Variants in XIRP2 observed in about 807,000 individuals in gnomAD.
The protein encoded by XIRP2 is xin actin binding repeat containing 2.
In XIRP2, 236 loss-of-function variants were observed where a neutral mutation model predicts 277.0. The ratio of observed to expected loss-of-function variants is 0.85; its 90% CI spans 0.77 to 0.95. The LOEUF (loss-of-function observed/expected upper bound fraction) is 0.95, where lower values mean the gene tolerates loss of function less well. XIRP2 is among the 40% of genes least tolerant of loss of function. XIRP2 has a pLI of 0.00. For synonymous variants in XIRP2, 1,490 were observed against 1,416.5 expected (o/e 1.05, Z -1.17); for missense variants, 4,640 against 4,157.5 (o/e 1.12, Z -3.19).
intron 3 of XIRP2, among the ~76,000 whole-genome samples, chr2:167,167,744 C>T (rs576551639): frequency 6.6e-6 from 1 of 151,946 alleles, no homozygotes; most frequent in South Asian, 2.1e-4. Flanking sequence ...TACATTATTG[C>T]TATTATTATT....
At chr2:167,155,819 A>C (rs939347888) in intron 3 of XIRP2, among the ~76,000 whole-genome samples, 1 of 151,884 alleles carries the variant, frequency 6.6e-6, no homozygotes, top group African/African-American at 2.4e-5. Flanking sequence ...CCCTGTTTGC[A>C]GATGACATGA....
At chr2:167,198,523 A>G (rs1300312094) in intron 3 of XIRP2, among the ~76,000 whole-genome samples, 1 of 152,236 alleles carries the variant, frequency 6.6e-6, no homozygotes, top group Non-Finnish European at 1.5e-5. Context: ...TTAGAAAAAC[A>G]TAAAGCTTTG....
At chr2:167,068,271 A>G (rs1052586659) in intron 2 of XIRP2, among the ~76,000 whole-genome samples, 16 of 152,180 alleles carry the variant, frequency 1.1e-4, no homozygotes, top group Admixed American at 7.9e-4. Context: ...ACAAACACAC[A>G]CAACTCTATT....
At chr2:166,983,105 G>T (rs1686916444) in intron 2 of XIRP2, among the ~76,000 whole-genome samples, 1 of 152,106 alleles carries the variant, frequency 6.6e-6, no homozygotes. Flanking sequence ...TTATCTGGGG[G>T]AAGTTTGATT....
chr2:167,189,779 C>A (rs898280470), intron 3 of XIRP2, among the ~76,000 whole-genome samples: 1 of 152,154 alleles, frequency 6.6e-6, no homozygotes, highest in Non-Finnish European at 1.5e-5. Flanking sequence ...CTCTCTGACA[C>A]CAACTGGCTG....
intron 2 of XIRP2, among the ~76,000 whole-genome samples, chr2:167,033,150 T>G (rs945105422): frequency 1.3e-5 from 2 of 152,138 alleles, no homozygotes; most frequent in African/African-American, 4.8e-5. Flanking sequence ...GGGACATGGA[T>G]GAAGCTGGAA....
intron 2 of XIRP2, among the ~76,000 whole-genome samples, chr2:167,099,661 T>A (rs1215541108): frequency 6.6e-6 from 1 of 152,080 alleles, no homozygotes; most frequent in Non-Finnish European, 1.5e-5. Context: ...AATCTCCTGG[T>A]CTGTGGGTTG....
At chr2:167,119,063 C>G (rs565026614) in intron 2 of XIRP2, among the ~76,000 whole-genome samples, 2 of 151,954 alleles carry the variant, frequency 1.3e-5, no homozygotes, top group South Asian at 4.2e-4. Flanking sequence ...TGAGATTGTC[C>G]CCGTGGCAAG....
chr2:167,244,765 A>C lies in XIRP2; in HGVS notation c.3373A>C (p.Lys1125Gln), dbSNP rs1695192951. ...TGAAGAAATTCATAAGGGAGATGTCAAAACTTGTACTTGGCTCTTTGAAAC... is the reference window on the plus strand; with the variant it reads ...TGAAGAAATTCATAAGGGAGATGTCCAAACTTGTACTTGGCTCTTTGAAAC... ...SSEEIHKGDV[K>Q]TCTWLFETQP... Residue 1125 changes from lysine to glutamine, a missense_variant, in exon 9 of 11, where the codon AAA becomes CAA. Physicochemically the swap from Lys to Gln is moderately conservative, Grantham distance 53. Coordinates refer to ENST00000409195, the MANE Select transcript of XIRP2 (RefSeq NM_152381.6). The C allele has an allele frequency of 6.2e-7, 1 of 1,613,482 alleles. No homozygotes were observed. Among genetic ancestry groups the C allele is most frequent in the Non-Finnish European group, 8.5e-7 (1 of 1,179,728 alleles).
intron 3 of XIRP2, among the ~76,000 whole-genome samples, chr2:167,145,039 C>A (rs552047561): frequency 2.6e-5 from 4 of 152,182 alleles, no homozygotes; most frequent in African/African-American, 9.6e-5. Flanking sequence ...CAAAAGATAA[C>A]CTTGTCTTTG....
intron 2 of XIRP2, among the ~76,000 whole-genome samples, chr2:166,972,824 G>A (rs1051040740): frequency 2.0e-5 from 3 of 152,100 alleles, no homozygotes; most frequent in Non-Finnish European, 1.5e-5. Context: ...CAGATTCCAG[G>A]TATAGCTAGT....
At chr2:166,936,714 G>C (rs1685527759) in intron 2 of XIRP2, among the ~76,000 whole-genome samples, 1 of 152,182 alleles carries the variant, frequency 6.6e-6, no homozygotes, top group Non-Finnish European at 1.5e-5. Flanking sequence ...TCAAAGATCA[G>C]ATGGTTGTAG....
chr2:167,140,329 C>T (rs1454010902), intron 3 of XIRP2, among the ~76,000 whole-genome samples: 5 of 152,112 alleles, frequency 3.3e-5, no homozygotes, highest in Non-Finnish European at 7.4e-5. Context: ...CAGAAGCAAA[C>T]CTTTGTCTAA....
At chr2:167,070,593 C>A (rs937975290) in intron 2 of XIRP2, among the ~76,000 whole-genome samples, 1 of 151,996 alleles carries the variant, frequency 6.6e-6, no homozygotes, top group Non-Finnish European at 1.5e-5. Context: ...TTAAAATGGC[C>A]ATAGTAGCTC....
chr2:166,968,620 CAT>C (rs1686489986), intron 2 of XIRP2, among the ~76,000 whole-genome samples: 1 of 151,958 alleles, frequency 6.6e-6, no homozygotes, highest in Non-Finnish European at 1.5e-5. Flanking sequence ...AGTCTTTTTA[CAT>C]ATGAGGAAAT....
chr2:167,226,048 T>C (rs1395904247), intron 5 of XIRP2, among the ~76,000 whole-genome samples: 2 of 152,188 alleles, frequency 1.3e-5, no homozygotes. Flanking sequence ...ACTGAAATTA[T>C]CTATTAATGG....
chr2:166,934,194 G>GC (rs1491503012), intron 2 of XIRP2, among the ~76,000 whole-genome samples: 1 of 62,696 alleles, frequency 1.6e-5, no homozygotes, highest in African/African-American at 9.7e-5. Flanking sequence ...AAAATCAACA[G>GC]CAAAAAAAAA....
At chr2:166,937,292 C>A (rs1037773158) in intron 2 of XIRP2, among the ~76,000 whole-genome samples, 1 of 152,154 alleles carries the variant, frequency 6.6e-6, no homozygotes, top group Non-Finnish European at 1.5e-5. Context: ...AGATTTTTAG[C>A]ATGAAGGGCT....
chr2:167,120,203 T>C (rs1691016612), intron 2 of XIRP2, among the ~76,000 whole-genome samples: 1 of 152,192 alleles, frequency 6.6e-6, no homozygotes, highest in Non-Finnish European at 1.5e-5. Context: ...TGCACTTCTT[T>C]ACTGCCACTC....
Sources: gnomAD v4.1 joint callset for allele counts (sites outside exome capture counted in the v4.1 genomes callset) on GRCh38, gnomAD v4.1.1 for gene constraint, MANE v1.5 for transcripts, NCBI Gene and HGNC (gene_info 2026-07-23, HGNC 2026-07-21) for gene names.